Variants in HMCN1 observed in about 807,000 individuals in gnomAD.
The protein encoded by HMCN1 is hemicentin 1, also known as hemicentin-1.
Under a neutral mutation model 625.9 loss-of-function variants are expected in HMCN1, and 321 were observed. The observed-to-expected ratio is 0.51, with a 90% CI of 0.47 to 0.56. The LOEUF (loss-of-function observed/expected upper bound fraction) is 0.56, where lower values mean the gene tolerates loss of function less well. HMCN1 is among the 20% of genes least tolerant of loss of function. The pLI is 0.00. For missense variants in HMCN1, 6,588 were observed against 6,887.3 expected (o/e 0.96, Z 1.54); for synonymous variants, 2,425 against 2,417.6 (o/e 1.00, Z -0.09).
chr1:186,042,640 T>C (rs1485499853), intron 40 of HMCN1, among the ~76,000 whole-genome samples: 1 of 152,196 alleles, frequency 6.6e-6, no homozygotes, highest in Admixed American at 6.5e-5. Flanking sequence ...GGCTAGCTGA[T>C]ATATATGTTT....
intron 48 of HMCN1, among the ~76,000 whole-genome samples, chr1:186,064,758 C>T (rs1012017518): frequency 1.4e-5 from 2 of 138,420 alleles, no homozygotes; most frequent in Non-Finnish European, 3.0e-5. Flanking sequence ...TGCAGTGAGC[C>T]GAGATCACAC....
chr1:185,924,208 AC>A (rs1201536102), intron 8 of HMCN1, among the ~76,000 whole-genome samples: 2 of 111,746 alleles, frequency 1.8e-5, no homozygotes, highest in African/African-American at 6.9e-5. Context: ...CTGAACTCTG[AC>A]CCAATCTTTT....
chr1:185,743,158 G>A (rs1031193165), intron 1 of HMCN1, among the ~76,000 whole-genome samples: 1 of 152,110 alleles, frequency 6.6e-6, no homozygotes, highest in African/African-American at 2.4e-5. Context: ...AAGACTAGTT[G>A]ATTTATCTTA....
chr1:186,136,666 A>G lies in HMCN1; in HGVS notation c.13313-2A>G. Reference sequence around the variant, plus strand: ...TGAGACACTATGTGCTTTTTTCCGTAGGTCCTCCTATTATCACTCTTGAGC... The same window carrying G: ...TGAGACACTATGTGCTTTTTTCCGTGGGTCCTCCTATTATCACTCTTGAGC... On this transcript the variant is annotated splice_acceptor_variant, in intron 86 of 106. Coordinates refer to ENST00000271588, the MANE Select transcript of HMCN1 (RefSeq NM_031935.3). LOFTEE classifies it high-confidence loss of function. 1.2e-6 allele frequency: 2 copies of G among 1,613,590 alleles called. No individual in the cohort carries two copies. Among genetic ancestry groups the G allele is most frequent in the South Asian group, 1.1e-5 (1 of 91,068 alleles).
At chr1:185,953,490 A>G (rs553339514) in intron 11 of HMCN1, among the ~76,000 whole-genome samples, 1 of 151,862 alleles carries the variant, frequency 6.6e-6, no homozygotes, top group African/African-American at 2.4e-5. Context: ...CTACCAGAAA[A>G]TACCAGAAAA....
chr1:185,997,112 A>G (rs562141072), intron 24 of HMCN1, among the ~76,000 whole-genome samples: 3 of 152,238 alleles, frequency 2.0e-5, no homozygotes, highest in South Asian at 4.1e-4. Context: ...ATGTGGTACT[A>G]TGTGATTGGA....
At position 186,107,892 on chromosome 1, in the gene HMCN1, T is replaced by A. The variant is rs114742662; in HGVS notation, c.10853-569T>A. 2.9e-3 allele frequency among the ~76,000 whole-genome samples: 442 copies of A among 152,228 alleles called. 3 individuals carry two copies. Among genetic ancestry groups the A allele is most frequent in the African/African-American group, 0.01 (416 of 41,542 alleles). ...GCTTTTGACATTGAAATAGGAATTATTCTTTATGGGGAGGAATAATTAAAA... is the reference window on the plus strand; with the variant it reads ...GCTTTTGACATTGAAATAGGAATTAATCTTTATGGGGAGGAATAATTAAAA... On this transcript the variant is annotated intron_variant, in intron 70 of 106. Coordinates refer to ENST00000271588, the MANE Select transcript of HMCN1 (RefSeq NM_031935.3).
rs1417465087 is a variant in HMCN1, at chr1:185,740,764, CA to C, written c.268+5718del. ...ATCCCAGCACTTTGGGAGGCTGAGG[CA>C]GACAGATTACTTGAGGTCAGGAGTT... On this transcript the variant is annotated intron_variant, in intron 1 of 106. Coordinates refer to ENST00000271588, the MANE Select transcript of HMCN1 (RefSeq NM_031935.3). Among the ~76,000 whole-genome samples, 31 of 152,150 alleles carry C rather than the reference CA, an allele frequency of 2.0e-4. No individual in the cohort carries two copies. In the East Asian group the frequency reaches 6.0e-3, roughly 29 times the overall value.
chr1:186,062,934 T>C (rs1412346520), intron 48 of HMCN1, among the ~76,000 whole-genome samples: 1 of 150,884 alleles, frequency 6.6e-6, no homozygotes, highest in Non-Finnish European at 1.5e-5. Flanking sequence ...GACTTTCTGT[T>C]TCTGAGTTAT....
At chr1:185,881,104 T>C (rs747068159) in intron 4 of HMCN1, among the ~76,000 whole-genome samples, 21 of 152,214 alleles carry the variant, frequency 1.4e-4, no homozygotes, top group South Asian at 2.1e-4. Context: ...TGTTAACAGC[T>C]CAGTGGGCCC....
rs960780930 is a variant in HMCN1, at chr1:185,735,043, T to C, written c.264T>C (p.Asp88=). The stretch of plus-strand genomic sequence containing the variant: ...ACTTTGCGTTGGTGCCTTTCCATGA[T>C]CCAGGTAAGGGAAATATTTATACTT... ...LFNFALVPFH[D]PEIGPVTITT... The change falls in exon 1 of 107, where the codon GAT becomes GAC. Residue 88 remains aspartate (D), a synonymous_variant. Coordinates refer to ENST00000271588, the MANE Select transcript of HMCN1 (RefSeq NM_031935.3). The C allele has an allele frequency of 6.2e-6, 10 of 1,614,010 alleles. No homozygotes were observed. The highest frequency in any genetic ancestry group is 1.6e-4 in the Middle Eastern group (1 of 6,084).
At chr1:185,855,650 T>A (rs1033750440) in intron 2 of HMCN1, among the ~76,000 whole-genome samples, 2 of 152,166 alleles carry the variant, frequency 1.3e-5, no homozygotes, top group Admixed American at 1.3e-4. Context: ...CAACAAAACA[T>A]GTCCCCTGAA....
intron 14 of HMCN1, among the ~76,000 whole-genome samples, 174 bp from the exon 15 acceptor site, chr1:185,970,161 C>G (rs1650708832): frequency 6.6e-6 from 1 of 152,182 alleles, no homozygotes; most frequent in Non-Finnish European, 1.5e-5. Context: ...TATTCATACA[C>G]AGTTTATTAC....
chr1:185,899,666 G>A (rs191943988), intron 4 of HMCN1, among the ~76,000 whole-genome samples: 1 of 151,688 alleles, frequency 6.6e-6, no homozygotes, highest in African/African-American at 2.4e-5. Context: ...CCCTCCAGTT[G>A]GAGATACAGA....
intron 1 of HMCN1, among the ~76,000 whole-genome samples, chr1:185,773,307 C>T (rs141587287): frequency 1.2e-4 from 19 of 152,272 alleles, no homozygotes; most frequent in African/African-American, 4.6e-4. Flanking sequence ...TTCCAAATGT[C>T]AGTACTTCAA....
intron 103 of HMCN1, among the ~76,000 whole-genome samples, chr1:186,175,104 GCTTA>G (rs566935547): frequency 6.6e-4 from 101 of 152,290 alleles, no homozygotes; most frequent in African/African-American, 2.3e-3. Context: ...TATATTTAAT[GCTTA>G]CTGTGTGCTG....
intron 71 of HMCN1, among the ~76,000 whole-genome samples, chr1:186,110,912 A>G (rs1660842499): frequency 6.7e-6 from 1 of 150,192 alleles, no homozygotes; most frequent in Non-Finnish European, 1.5e-5. Context: ...ATGAGGTTCT[A>G]TCAGGAGACA....
intron 1 of HMCN1, among the ~76,000 whole-genome samples, chr1:185,810,769 AG>A (rs1430005612): frequency 6.6e-6 from 1 of 152,122 alleles, no homozygotes; most frequent in African/African-American, 2.4e-5. Flanking sequence ...GGAAAATAAA[AG>A]TTGTATAAAA....
intron 11 of HMCN1, among the ~76,000 whole-genome samples, chr1:185,936,017 C>T (rs988487419): frequency 6.6e-6 from 1 of 151,936 alleles, no homozygotes; most frequent in Non-Finnish European, 1.5e-5. Context: ...ACTTAAAAGA[C>T]AAAATAATAC....
Sources: allele counts gnomAD v4.1 joint callset (sites outside exome capture counted in the v4.1 genomes callset), GRCh38; gene constraint gnomAD v4.1.1; transcripts MANE v1.5; gene names NCBI Gene and HGNC (gene_info 2026-07-23, HGNC 2026-07-21).